RAI1: variants seen among roughly 807,000 people sequenced by gnomAD.
The protein encoded by RAI1 is retinoic acid induced 1.
A neutral mutation model predicts 123.8 loss-of-function variants in RAI1; 9 were observed. That is an observed-to-expected ratio of 0.07 (90% CI 0.04 to 0.13). The LOEUF is 0.13. Ranked by LOEUF, RAI1 falls within the 10% of genes least tolerant of loss-of-function variation. The pLI is 1.00. For missense variants in RAI1, 2,256 were observed against 2,545.8 expected, an observed-to-expected ratio of 0.89 and a Z score of 2.45; for synonymous variants, 1,231 against 1,127.3, an observed-to-expected ratio of 1.09 and a Z score of -1.84.
chr17:17,747,801 A>T (rs2029985079), intron 2 of RAI1, among the ~76,000 whole-genome samples: 1 of 152,208 alleles, frequency 6.6e-6, no homozygotes, highest in Non-Finnish European at 1.5e-5. Flanking sequence ...ACAGTGGTGC[A>T]TGTCTATAAT....
chr17:17,738,653 C>T (rs932999727), intron 2 of RAI1, among the ~76,000 whole-genome samples: 15 of 152,314 alleles, frequency 9.8e-5, no homozygotes, highest in African/African-American at 3.6e-4. Context: ...CTGGGGTAAA[C>T]GTAGCAACTG....
intron 2 of RAI1, among the ~76,000 whole-genome samples, chr17:17,789,873 T>G (rs1438070572): frequency 6.6e-6 from 1 of 152,122 alleles, no homozygotes; most frequent in Non-Finnish European, 1.5e-5. Context: ...AGCTGGACCA[T>G]GAGGAGTGAG....
rs767500294 is a variant in RAI1 at position 17,795,656 on chromosome 17, A to C, written c.2708A>C (p.Glu903Ala). ...PKAPLICTKE[E>A]VEEVLDSKAG... ...GCCCCACTCATCTGCACCAAGGAGG[A>C]GGTGGAGGAGGTGCTGGACTCCAAG... is the stretch of plus-strand genomic sequence containing the variant. Residue 903 changes from glutamate to alanine, a missense_variant, in exon 3 of 6, where the codon GAG (glutamate) becomes GCG (alanine). Physicochemically the swap from Glu to Ala is moderately radical, Grantham distance 107 (BLOSUM62 -1). Around this residue, in one of 7 missense-constraint regions of RAI1, gnomAD observed 566 missense variants for 616.0 expected, o/e 0.92. Coordinates refer to ENST00000353383, the MANE Select transcript of RAI1 (RefSeq NM_030665.4). This position sits in a 1 kb window ranked among gnomAD's most constrained non-coding sequence, Gnocchi z 5.9. 2 of 1,612,844 alleles carry C rather than the reference A, an allele frequency of 1.2e-6. No individual in the cohort carries two copies. Among genetic ancestry groups the C allele is most frequent in the Non-Finnish European group, 1.7e-6 (2 of 1,179,702 alleles).
At chr17:17,789,299 G>A (rs558038232) in intron 2 of RAI1, among the ~76,000 whole-genome samples, 2 of 152,356 alleles carry the variant, frequency 1.3e-5, no homozygotes, top group Non-Finnish European at 2.9e-5. Context: ...ACTTTTTTCT[G>A]TAAAGGGGGA....
intron 2 of RAI1, among the ~76,000 whole-genome samples, chr17:17,752,146 G>A (rs1387689599): frequency 6.6e-6 from 1 of 152,138 alleles, no homozygotes; most frequent in East Asian, 1.9e-4. Context: ...GCTGCCCAGC[G>A]CCCCGCAGGA....
At chr17:17,779,751 T>G (rs1046408481) in intron 2 of RAI1, among the ~76,000 whole-genome samples, 5 of 148,682 alleles carry the variant, frequency 3.4e-5, no homozygotes, top group Non-Finnish European at 7.4e-5. Flanking sequence ...CTGGGACTTC[T>G]CTCTAGTCCC....
At chr17:17,778,968 G>T (rs769737127) in intron 2 of RAI1, 2 of 450,738 alleles carry the variant, frequency 4.4e-6, no homozygotes, top group Admixed American at 2.4e-5. Context: ...ATTCTGAACC[G>T]CAGAAAGTAT....
chr17:17,695,928 G>A (rs1399910585), intron 1 of RAI1, among the ~76,000 whole-genome samples: 2 of 152,198 alleles, frequency 1.3e-5, no homozygotes. Flanking sequence ...CCGAAGGGAG[G>A]CTGTATGCTG....
At chr17:17,737,795 C>T (rs1858142077) in intron 2 of RAI1, among the ~76,000 whole-genome samples, 1 of 152,206 alleles carries the variant, frequency 6.6e-6, no homozygotes, top group Non-Finnish European at 1.5e-5. Flanking sequence ...CGGGGGGCCC[C>T]AGCCACCTCC....
chr17:17,728,146 C>T lies in RAI1; in HGVS notation c.-17+3987C>T, dbSNP rs569974195. ...GGGGAAGGGAGGGTGCCCCCGAGCTCGGTCTTGTGTGTGCGCGTGCATGCA... is the reference window on the plus strand; with the variant it reads ...GGGGAAGGGAGGGTGCCCCCGAGCTTGGTCTTGTGTGTGCGCGTGCATGCA... On this transcript the variant is annotated intron_variant, in intron 2 of 5. Coordinates refer to ENST00000353383, the MANE Select transcript of RAI1 (RefSeq NM_030665.4). Among the ~76,000 whole-genome samples, 9 of 152,050 alleles carry T rather than the reference C, an allele frequency of 5.9e-5. No homozygotes were observed. The South Asian group carries it at 1.9e-3, about 32-fold the overall frequency.
Position 17,810,080 on chromosome 17 carries a change from C to T in RAI1, c.*99C>T. ...GCGCAGCCCCCGGGCCTTTGAGCTG[C>T]TCCCAGCGCTGGTCCAGAGCCGATC... On this transcript the variant is annotated 3_prime_UTR_variant, in exon 6 of 6. Transcript: ENST00000353383. This position sits in a 1 kb window ranked among gnomAD's most constrained non-coding sequence, Gnocchi z 4.6. 2.7e-6 allele frequency: 4 copies of T among 1,460,708 alleles called. No homozygotes were observed. The highest frequency in any genetic ancestry group is 2.5e-5 in the East Asian group (1 of 40,120). 90.5% of individuals were successfully genotyped at this position (1,460,708 alleles called of 1,614,324 possible).
chr17:17,768,606 T>C (rs2142994483), intron 2 of RAI1, among the ~76,000 whole-genome samples: 1 of 152,238 alleles, frequency 6.6e-6, no homozygotes, highest in South Asian at 2.1e-4. Flanking sequence ...AGGGCGACGG[T>C]GTGTCTGTCA....
Position 17,810,079 on chromosome 17 carries a change from G to A in RAI1, c.*98G>A. On this transcript the variant is annotated 3_prime_UTR_variant, in exon 6 of 6. Transcript: ENST00000353383. The surrounding 1 kb of genome is among the most constrained non-coding windows in gnomAD (Gnocchi z 4.6). ...TGCGCAGCCCCCGGGCCTTTGAGCT[G>A]CTCCCAGCGCTGGTCCAGAGCCGAT... 6.8e-7 allele frequency: 1 copy of A among 1,460,392 alleles called. No homozygotes were observed. Among genetic ancestry groups the A allele is most frequent in the Admixed American group, 2.2e-5 (1 of 46,394 alleles). 90.5% of individuals were successfully genotyped at this position (1,460,392 alleles called of 1,614,324 possible). A position where few individuals can be genotyped will look rare whatever the true frequency, so the allele number is the denominator to read the frequency against.
At chr17:17,772,510 C>G (rs986404943) in intron 2 of RAI1, among the ~76,000 whole-genome samples, 3 of 152,238 alleles carry the variant, frequency 2.0e-5, no homozygotes, top group East Asian at 1.9e-4. Context: ...AACATCTGTG[C>G]TCTCCACTGT....
At chr17:17,752,612 A>G (rs967977290) in intron 2 of RAI1, among the ~76,000 whole-genome samples, 2 of 152,008 alleles carry the variant, frequency 1.3e-5, no homozygotes, top group Non-Finnish European at 2.9e-5. Context: ...GAGGCCTGCT[A>G]GGCCAGCGCC....
intron 2 of RAI1, among the ~76,000 whole-genome samples, chr17:17,781,244 C>G (rs1429995207): frequency 6.6e-6 from 1 of 152,232 alleles, no homozygotes; most frequent in Non-Finnish European, 1.5e-5. Flanking sequence ...AACCTTCCGT[C>G]CTCTGTGCTG....
At chr17:17,782,782 A>C (rs2031644242) in intron 2 of RAI1, among the ~76,000 whole-genome samples, 1 of 151,958 alleles carries the variant, frequency 6.6e-6, no homozygotes, top group African/African-American at 2.4e-5. Flanking sequence ...AGGTTTCTCC[A>C]CACCGCCGGC....
intron 2 of RAI1, among the ~76,000 whole-genome samples, chr17:17,747,045 C>T (rs988907991): frequency 1.3e-5 from 2 of 152,204 alleles, no homozygotes; most frequent in Non-Finnish European, 2.9e-5. Context: ...ATTAATTCAT[C>T]GCCCCCATTT....
intron 2 of RAI1, chr17:17,782,008 T>A (rs2031599275): frequency 6.6e-6 from 1 of 151,990 alleles, no homozygotes; most frequent in East Asian, 2.0e-4. Flanking sequence ...GCAGCCACTC[T>A]GCGCGCGGGG....
Sources: gnomAD v4.1 joint callset for allele counts (sites outside exome capture counted in the v4.1 genomes callset) on GRCh38, gnomAD v4.1.1 for gene constraint, gnomAD v4.1.1 regional missense constraint, Gnocchi (gnomAD v3.1) non-coding constraint, MANE v1.5 for transcripts, NCBI Gene and HGNC (gene_info 2026-07-23, HGNC 2026-07-21) for gene names.